The following CARNMT1 variants were observed in gnomAD, a reference collection of about 807,000 sequenced individuals.
CARNMT1 encodes carnosine N-methyltransferase 1.
In CARNMT1, 28 loss-of-function variants were observed where a neutral mutation model predicts 49.6. The observed-to-expected ratio is 0.56, with a 90% confidence interval of 0.42 to 0.77. The LOEUF is 0.77. CARNMT1 is among the 30% of genes least tolerant of loss of function. CARNMT1 has a pLI of 0.00. For synonymous variants in CARNMT1, 178 were observed against 175.0 expected, an observed-to-expected ratio of 1.02 and a Z score of -0.13; for missense variants, 421 against 512.6, an observed-to-expected ratio of 0.82 and a Z score of 1.73.
chr9:74,988,050 T>C (rs1832898478), intron 6 of CARNMT1, among the ~76,000 whole-genome samples: 1 of 152,094 alleles, frequency 6.6e-6, no homozygotes, highest in Admixed American at 6.6e-5. Context: ...CTCTCATGTC[T>C]CTTCGTTCTT....
At chr9:74,991,920 A>G (rs903930376) in intron 6 of CARNMT1, among the ~76,000 whole-genome samples, 7 of 152,118 alleles carry the variant, frequency 4.6e-5, no homozygotes, top group Non-Finnish European at 7.4e-5. Context: ...TACTACTACT[A>G]TAATGAGGAA....
chr9:74,995,790 G>A (rs537456502), intron 6 of CARNMT1, among the ~76,000 whole-genome samples: 5 of 152,128 alleles, frequency 3.3e-5, no homozygotes, highest in Non-Finnish European at 4.4e-5. Flanking sequence ...TATATCTCAC[G>A]AAAGAATACA....
intron 7 of CARNMT1, 89 bp from the exon 8 acceptor site, chr9:74,983,957 C>T: frequency 1.3e-6 from 1 of 769,552 alleles, no homozygotes; most frequent in East Asian, 2.7e-5. Flanking sequence ...CAGTGGCAGG[C>T]ACTATTTTAA....
At chr9:75,027,011 G>T in intron 1 of CARNMT1, 1 of 1,110,558 alleles carries the variant, frequency 9.0e-7, no homozygotes, top group Non-Finnish European at 1.2e-6. Flanking sequence ...AAAAAACTTT[G>T]CATAAAGCAC....
At chr9:74,996,192 A>G in intron 6 of CARNMT1, 1 of 275,136 alleles carries the variant, frequency 3.6e-6, no homozygotes, top group Non-Finnish European at 6.8e-6. Context: ...ACCTACCATC[A>G]GATCAACAAT....
chr9:75,015,912 G>A (rs967244665), intron 3 of CARNMT1: 3 of 158,964 alleles, frequency 1.9e-5, no homozygotes, highest in African/African-American at 7.2e-5. Flanking sequence ...TGCTTGCTCA[G>A]AGGTACAGAT....
rs1832861172 is a variant in CARNMT1, at chr9:74,986,945, T to C, written c.1025-1935A>G. The stretch of plus-strand genomic sequence containing the variant: ...CCACAATGCCTAACTTAGTGCTGAA[T>C]TTATAAATTTTACCAAAGACAACAG... On this transcript the variant is annotated intron_variant, in intron 6 of 7. Coordinates refer to ENST00000376834, the MANE Select transcript of CARNMT1 (RefSeq NM_152420.3). 2.0e-5 allele frequency among the ~76,000 whole-genome samples: 3 copies of C among 152,352 alleles called. No homozygotes were observed. In the South Asian group the frequency reaches 6.2e-4, roughly 32 times the overall value.
intron 1 of CARNMT1, among the ~76,000 whole-genome samples, chr9:75,022,169 T>C (rs1234667260): frequency 6.6e-6 from 1 of 151,090 alleles, no homozygotes; most frequent in Admixed American, 6.6e-5. Context: ...GGAAAAAAAT[T>C]AGCATAAACT....
At chr9:75,027,330 A>G (rs768912303) in intron 1 of CARNMT1, 52 of 819,574 alleles carry the variant, frequency 6.3e-5, no homozygotes, top group Non-Finnish European at 7.5e-5. Context: ...ACAGATTTGC[A>G]GAAAAAAAGA....
rs139766884 is a variant in CARNMT1 at position 75,001,471 on chromosome 9, A to C, written c.591-1601T>G. ...ACCTTGTATTAAAACTGCTATTGAA[A>C]GGCTACCCATCAAGTCACAGAATGA... On this transcript the variant is annotated intron_variant, in intron 3 of 7. Coordinates refer to ENST00000376834, the MANE Select transcript of CARNMT1 (RefSeq NM_152420.3). Among the ~76,000 whole-genome samples, 1,442 of 152,322 alleles carry C rather than the reference A, an allele frequency of 9.5e-3. 23 individuals are homozygous for C. Among genetic ancestry groups the C allele is most frequent in the African/African-American group, 0.032 (1,339 of 41,580 alleles).
At chr9:75,014,020 T>TAAAA (rs56029312) in intron 3 of CARNMT1, among the ~76,000 whole-genome samples, 1 of 67,388 alleles carries the variant, frequency 1.5e-5, no homozygotes, top group Non-Finnish European at 2.6e-5. Flanking sequence ...TCCACTTACT[T>TAAAA]AAAAAAAAAA....
chr9:75,027,240 T>C, intron 1 of CARNMT1: 1 of 928,260 alleles, frequency 1.1e-6, no homozygotes, highest in East Asian at 6.2e-5. Context: ...AGAAGAAACG[T>C]GGAAGTTAGG....
intron 3 of CARNMT1, among the ~76,000 whole-genome samples, chr9:75,011,408 G>T (rs375885196): frequency 4.6e-5 from 7 of 152,084 alleles, no homozygotes; most frequent in East Asian, 1.9e-4. Context: ...GTCTTGCTCT[G>T]TTGCCCAGGC....
chr9:75,024,311 G>C (rs1822459498), intron 1 of CARNMT1, among the ~76,000 whole-genome samples: 1 of 152,156 alleles, frequency 6.6e-6, no homozygotes, highest in Admixed American at 6.5e-5. Flanking sequence ...TTTAGGTAAC[G>C]ATTTTGGATT....
chr9:75,003,739 AT>A (rs1833429134), intron 3 of CARNMT1, among the ~76,000 whole-genome samples: 1 of 152,232 alleles, frequency 6.6e-6, no homozygotes, highest in Non-Finnish European at 1.5e-5. Context: ...ATAACTTTTT[AT>A]TTTGAAAAAT....
chr9:74,996,242 A>C, intron 6 of CARNMT1: 1 of 459,262 alleles, frequency 2.2e-6, no homozygotes, highest in Non-Finnish European at 3.9e-6. Context: ...AGACTGACCT[A>C]AGTGTGAATA....
chr9:75,001,779 C>T (rs994189823), intron 3 of CARNMT1, among the ~76,000 whole-genome samples: 2 of 152,152 alleles, frequency 1.3e-5, no homozygotes, highest in African/African-American at 2.4e-5. Context: ...AACTAACGCA[C>T]TCTAAGTGGG....
chr9:75,009,376 G>A (rs1275248896), intron 3 of CARNMT1, among the ~76,000 whole-genome samples: 1 of 152,022 alleles, frequency 6.6e-6, no homozygotes, highest in Non-Finnish European at 1.5e-5. Flanking sequence ...GACTACTGGT[G>A]TTTGCCACCA....
chr9:74,987,853 A>G (rs1832890877), intron 6 of CARNMT1, among the ~76,000 whole-genome samples: 1 of 151,970 alleles, frequency 6.6e-6, no homozygotes, highest in African/African-American at 2.4e-5. Context: ...TGCTAATTTG[A>G]TATGGGGAAA....
Sources: allele counts gnomAD v4.1 joint callset (sites outside exome capture counted in the v4.1 genomes callset), GRCh38; gene constraint gnomAD v4.1.1; transcripts MANE v1.5; gene names NCBI Gene and HGNC (gene_info 2026-07-23, HGNC 2026-07-21).